The following RAPH1 variants were observed in gnomAD, a reference collection of about 807,000 sequenced individuals.
The protein encoded by RAPH1 is Ras association (RalGDS/AF-6) and pleckstrin homology domains 1, also known as ras-associated and pleckstrin homology domains-containing protein 1.
In RAPH1, 18 loss-of-function variants were observed where a neutral mutation model predicts 88.1. The observed-to-expected ratio is 0.20, with a 90% CI of 0.14 to 0.30. The LOEUF (loss-of-function observed/expected upper bound fraction) is 0.30. RAPH1 is among the 10% of genes least tolerant of loss of function. The pLI is 1.00. For missense variants in RAPH1, 1,448 were observed against 1,543.2 expected (o/e 0.94, Z 1.03); for synonymous variants, 587 against 559.0 (o/e 1.05, Z -0.71).
intron 1 of RAPH1, among the ~76,000 whole-genome samples, chr2:203,514,891 T>A (rs1689527842): frequency 6.6e-6 from 1 of 152,174 alleles, no homozygotes; most frequent in Non-Finnish European, 1.5e-5. Context: ...AAAATCCACA[T>A]CAATTCCACA....
At chr2:203,506,857 TATATATATATATATATATATATAG>T (rs1689086990) in intron 1 of RAPH1, among the ~76,000 whole-genome samples, 1 of 46,926 alleles carries the variant, frequency 2.1e-5, no homozygotes, top group African/African-American at 9.1e-5. Context: ...TATCTATATC[TATATATATATATATATATATATAG>T]ATATATATAT....
At chr2:203,529,051 C>T (rs1445622242) in intron 1 of RAPH1, among the ~76,000 whole-genome samples, 1 of 102,094 alleles carries the variant, frequency 9.8e-6, no homozygotes, top group African/African-American at 3.9e-5. Context: ...CTCACTCTGT[C>T]ATTGCAGCCT....
rs1474857508 is a variant in RAPH1 at position 203,512,373 on chromosome 2, CCAAAAAA to C, written c.1-17027_1-17021del. On this transcript the variant is annotated intron_variant, in intron 1 of 13. Coordinates refer to ENST00000319170, the MANE Select transcript of RAPH1 (RefSeq NM_213589.3). ...TCTGTCTCAAAAAAAAAAAAAAAAC[CCAAAAAA>C]CAAAAAACAAACAAATTCTCCCTCC... is the stretch of plus-strand genomic sequence containing the variant. Among the ~76,000 whole-genome samples, 5 of 149,216 alleles carry C rather than the reference CCAAAAAA, an allele frequency of 3.4e-5. No individual in the cohort carries two copies. The South Asian group carries it at 1.1e-3, about 31-fold the overall frequency.
intron 1 of RAPH1, among the ~76,000 whole-genome samples, chr2:203,502,722 A>G (rs949013593): frequency 5.9e-5 from 9 of 151,624 alleles, no homozygotes; most frequent in South Asian, 2.1e-4. Flanking sequence ...CGGGAGGCTG[A>G]GGCAGAAGAA....
intron 12 of RAPH1, chr2:203,446,340 A>G (rs1301767057): frequency 6.6e-6 from 1 of 152,212 alleles, no homozygotes; most frequent in African/African-American, 2.4e-5. Flanking sequence ...CTCACACACT[A>G]TGTCAAAGGT....
intron 10 of RAPH1, 100 bp downstream of exon 10, chr2:203,454,330 A>T (rs1276552662): frequency 1.3e-6 from 1 of 778,670 alleles, no homozygotes; most frequent in Non-Finnish European, 2.0e-6. Flanking sequence ...AATAAAGCAA[A>T]AACAGTATAA....
rs542899128 is a variant in RAPH1 at position 203,434,823 on chromosome 2, C to G, written c.*4614G>C. The G allele has an allele frequency of 1.3e-5, 2 of 152,674 alleles. No homozygotes were observed. The highest frequency in any genetic ancestry group is 2.9e-5 in the Non-Finnish European group (2 of 68,018). 9.5% of individuals were successfully genotyped at this position (152,674 alleles called of 1,614,324 possible). ...AAAATATGTAGTGTTCACCATCACC[C>G]TGACTCAATTCACTTCTCTAAATGT... On this transcript the variant is annotated 3_prime_UTR_variant, in exon 14 of 14. Transcript: ENST00000319170.
intron 1 of RAPH1, among the ~76,000 whole-genome samples, chr2:203,506,272 G>A (rs988000822): frequency 2.0e-5 from 3 of 152,166 alleles, no homozygotes; most frequent in Non-Finnish European, 1.5e-5. Context: ...AGAGATGTGT[G>A]TATTATGTGT....
Position 203,448,693 on chromosome 2 carries a change from G to A in RAPH1, c.1512+45C>T, listed in dbSNP as rs374729399. On this transcript the variant is annotated intron_variant, in intron 11 of 13. Coordinates refer to ENST00000319170, the MANE Select transcript of RAPH1 (RefSeq NM_213589.3). This position sits in a 1 kb window ranked among gnomAD's most constrained non-coding sequence, Gnocchi z 4.1. ...TCATGAAAACGAAAACTATATCATC[G>A]ACAAACACCTCATTATTCCATCATC... 2.1e-5 allele frequency: 28 copies of A among 1,333,380 alleles called. No homozygotes were observed. The African/African-American group carries it at 2.5e-4, about 12-fold the overall frequency. The allele number at this position is 1,333,380 out of a possible 1,614,324, so 82.6% of individuals were successfully genotyped here. A position where few individuals can be genotyped will look rare whatever the true frequency, so the allele number is the denominator to read the frequency against.
chr2:203,468,385 CTT>C (rs1259989187), intron 4 of RAPH1, among the ~76,000 whole-genome samples: 1 of 152,120 alleles, frequency 6.6e-6, no homozygotes, highest in Non-Finnish European at 1.5e-5. Context: ...ATGCCAAGCT[CTT>C]TTCCTTGACT....
intron 4 of RAPH1, among the ~76,000 whole-genome samples, chr2:203,475,377 A>C (rs1687366641): frequency 6.6e-6 from 1 of 152,180 alleles, no homozygotes; most frequent in Admixed American, 6.5e-5. Context: ...ACTGCACTCC[A>C]GCCTGGGTGA....
At chr2:203,499,793 A>G (rs1318876217) in intron 1 of RAPH1, among the ~76,000 whole-genome samples, 1 of 152,052 alleles carries the variant, frequency 6.6e-6, no homozygotes, top group African/African-American at 2.4e-5. Flanking sequence ...AAGAATTCAC[A>G]CTCTAAAACC....
chr2:203,439,559 ACAG>A lies in RAPH1; in HGVS notation c.3628_3630del (p.Leu1210del). The A allele has an allele frequency of 1.2e-6, 2 of 1,614,106 alleles. No homozygotes were observed. Among genetic ancestry groups the A allele is most frequent in the African/African-American group, 1.3e-5 (1 of 75,006 alleles). On this transcript the variant is annotated inframe_deletion, in exon 14 of 14. Transcript: ENST00000319170. ...CCGTAACCAGCCTTCTGTTGATCAG[ACAG>A]CAGTTCAGGGGGTGGTGGAGGCAAT...
chr2:203,516,237 G>A (rs766550380), intron 1 of RAPH1, among the ~76,000 whole-genome samples: 3 of 151,896 alleles, frequency 2.0e-5, no homozygotes, highest in African/African-American at 4.8e-5. Flanking sequence ...TTGGGTGACC[G>A]CTAAAAAAAA....
At chr2:203,533,882 T>G (rs1213200892) in intron 1 of RAPH1, among the ~76,000 whole-genome samples, 1 of 152,028 alleles carries the variant, frequency 6.6e-6, no homozygotes, top group Admixed American at 6.6e-5. Context: ...ACAGGTGGTG[T>G]TATTCCCATT....
intron 3 of RAPH1, 49 bp downstream of exon 3, chr2:203,491,165 T>C: frequency 7.8e-7 from 1 of 1,276,972 alleles, no homozygotes; most frequent in Non-Finnish European, 1.1e-6. Flanking sequence ...GCTCCTACAT[T>C]GTGTGACTTA....
intron 1 of RAPH1, among the ~76,000 whole-genome samples, chr2:203,507,863 TC>T (rs992956080): frequency 6.6e-6 from 1 of 152,190 alleles, no homozygotes; most frequent in Non-Finnish European, 1.5e-5. Flanking sequence ...ATGTTACATT[TC>T]CTGATTTTGA....
chr2:203,440,899 G>A lies in RAPH1; in HGVS notation c.2291C>T (p.Pro764Leu). The change falls in exon 14 of 14, where the codon CCC becomes CTC. Residue 764 changes from proline to leucine, a missense_variant. Pro to Leu is a moderately conservative substitution (Grantham distance 98). Coordinates refer to ENST00000319170, the MANE Select transcript of RAPH1 (RefSeq NM_213589.3). ...HITQVAPPTP[P>L]PPPPIPAPLP... ...GGGTGCAGGGATAGGAGGAGGTGGG[G>A]GGGGTGTTGGGGGAGCCACCTGAGT... 2 of 1,498,570 alleles carry A rather than the reference G, an allele frequency of 1.3e-6. No individual in the cohort carries two copies. The highest frequency in any genetic ancestry group is 9.1e-7 in the Non-Finnish European group (1 of 1,102,476). The allele number at this position is 1,498,570 out of a possible 1,614,324, so 92.8% of individuals were successfully genotyped here. A position where few individuals can be genotyped will look rare whatever the true frequency, so the allele number is the denominator to read the frequency against.
intron 7 of RAPH1, 52 bp downstream of exon 7, chr2:203,459,855 A>C (rs1387613794): frequency 2.5e-6 from 4 of 1,578,736 alleles, no homozygotes; most frequent in Non-Finnish European, 2.6e-6. Flanking sequence ...TAATCGAATA[A>C]AATAGGAGAC....
Sources: gnomAD v4.1 joint callset for allele counts (sites outside exome capture counted in the v4.1 genomes callset) on GRCh38, gnomAD v4.1.1 for gene constraint, Gnocchi (gnomAD v3.1) non-coding constraint, MANE v1.5 for transcripts, NCBI Gene and HGNC (gene_info 2026-07-23, HGNC 2026-07-21) for gene names.